Variants in COL6A6 observed in about 807,000 individuals in gnomAD.
The protein encoded by COL6A6 is collagen type VI alpha 6 chain, also known as collagen alpha-6(VI) chain.
COL6A6 carries 183 observed loss-of-function variants against 208.6 expected under a neutral mutation model. The ratio of observed to expected loss-of-function variants is 0.88; its 90% CI spans 0.78 to 0.99. The LOEUF (loss-of-function observed/expected upper bound fraction) is 0.99, where lower values mean the gene tolerates loss of function less well. Among genes scored for constraint, COL6A6 ranks in the 50% least tolerant of loss-of-function variants. COL6A6 has a pLI of 0.00. For synonymous variants in COL6A6, 973 were observed against 1,011.8 expected (o/e 0.96, Z 0.73); for missense variants, 2,816 against 2,815.2 (o/e 1.00, Z -0.01).
intron 1 of COL6A6, among the ~76,000 whole-genome samples, chr3:130,542,941 C>G (rs1419625906): frequency 7.2e-6 from 1 of 139,456 alleles, no homozygotes; most frequent in Non-Finnish European, 1.5e-5. Flanking sequence ...GAGTCTTGCT[C>G]TGTCACCAGG....
intron 33 of COL6A6, among the ~76,000 whole-genome samples, chr3:130,657,142 G>A (rs1459467461): frequency 1.3e-5 from 2 of 152,254 alleles, no homozygotes; most frequent in Non-Finnish European, 2.9e-5. Context: ...CTGCATTCAA[G>A]GAGCAGGAGG....
In COL6A6 at chr3:130,589,171, C is replaced by A. The variant is rs749195599; in HGVS notation, c.4207C>A (p.Pro1403Thr). The A allele has an allele frequency of 1.2e-5, 20 of 1,612,614 alleles. No individual in the cohort carries two copies. In the East Asian group the frequency reaches 4.0e-4, roughly 32 times the overall value. Residue 1403 changes from proline (P) to threonine (T), a missense_variant, in exon 12 of 37, where the codon CCA becomes ACA. By Grantham distance (38) the Pro-to-Thr change is conservative (BLOSUM62 -1). Transcript: ENST00000358511. ...GDGTMGDPGP[P>T]GKRGPPGFKG... ...TGGCACAATGGGAGATCCTGGACCA[C>A]CAGGGAAAAGGGTGATTTTAGCTCA...
chr3:130,665,086 C>T lies in COL6A6; in HGVS notation c.6586C>T (p.Pro2196Ser), dbSNP rs1172515735. ...NSIDPKQPPR[P>S]FRSFVPGPLK... ...TATAGATCCAAAGCAGCCCCCACGA[C>T]CATTCCGAAGGTACTGTCTGTTTGG... Residue 2196 changes from proline (P) to serine (S), a missense_variant, in exon 36 of 37, where the codon CCA becomes TCA. Physicochemically the swap from Pro to Ser is moderately conservative, Grantham distance 74 (BLOSUM62 -1). Transcript: ENST00000358511. 1 of 1,608,084 alleles carries T rather than the reference C, an allele frequency of 6.2e-7. No homozygotes were observed. The highest frequency in any genetic ancestry group is 1.3e-5 in the African/African-American group (1 of 74,764).
At chr3:130,624,587 G>T (rs924858783) in intron 24 of COL6A6, among the ~76,000 whole-genome samples, 4 of 152,164 alleles carry the variant, frequency 2.6e-5, no homozygotes, top group African/African-American at 7.2e-5. Flanking sequence ...GGGAAGTGGT[G>T]TCACTGGTAA....
chr3:130,547,981 T>G (rs4256098), intron 1 of COL6A6, among the ~76,000 whole-genome samples: 3,560 of 152,114 alleles, frequency 0.023, 132 homozygotes, highest in East Asian at 0.071. Flanking sequence ...TATTTTGAGA[T>G]GGGGTTTCAC....
intron 24 of COL6A6, 38 bp from the exon 25 acceptor site, chr3:130,626,447 C>T (rs754122253): frequency 1.4e-6 from 2 of 1,474,706 alleles, no homozygotes; most frequent in East Asian, 4.5e-5. Context: ...GCCATCATTT[C>T]CAATTTCCAA....
In COL6A6 at chr3:130,628,995, C is replaced by A. The variant is rs888040053; in HGVS notation, c.4992+1626C>A. ...AACTCTAAAACACAGAGCGCCTCTC[C>A]TCCTCCAAAGGAACGCAGTTCCTCA... On this transcript the variant is annotated intron_variant, in intron 26 of 36. Coordinates refer to ENST00000358511, the MANE Select transcript of COL6A6 (RefSeq NM_001102608.3). Among the ~76,000 whole-genome samples the A allele has an allele frequency of 4.2e-5, 3 of 71,502 alleles. No homozygotes were observed. In the East Asian group the frequency reaches 1.1e-3, roughly 26 times the overall value. 46.9% of individuals were successfully genotyped at this position (71,502 alleles called of 152,430 possible). A position where few individuals can be genotyped will look rare whatever the true frequency, so the allele number is the denominator to read the frequency against.
At chr3:130,554,092 C>G (rs1559981601) in intron 1 of COL6A6, among the ~76,000 whole-genome samples, 1 of 152,186 alleles carries the variant, frequency 6.6e-6, no homozygotes, top group Non-Finnish European at 1.5e-5. Flanking sequence ...CAATGTGTCC[C>G]TGGACTGCTG....
At chr3:130,642,919 C>T in intron 30 of COL6A6, 52 bp downstream of exon 30, 1 of 1,613,122 alleles carries the variant, frequency 6.2e-7, no homozygotes, top group Non-Finnish European at 8.5e-7. Flanking sequence ...ATTCAATTTA[C>T]TTATTTTTAA....
chr3:130,590,935 C>A, intron 12 of COL6A6, 106 bp from the exon 13 acceptor site: 1 of 814,410 alleles, frequency 1.2e-6, no homozygotes, highest in Non-Finnish European at 2.0e-6. Context: ...TTTTTTCAAA[C>A]ACTTACTATT....
At chr3:130,650,733 G>A (rs138895008) in intron 33 of COL6A6, among the ~76,000 whole-genome samples, 8 of 149,812 alleles carry the variant, frequency 5.3e-5, no homozygotes, top group African/African-American at 2.0e-4. Context: ...TTAGCCAGCT[G>A]AATTCCAAAT....
chr3:130,657,510 T>C (rs1054666101), intron 33 of COL6A6, among the ~76,000 whole-genome samples: 1 of 152,230 alleles, frequency 6.6e-6, no homozygotes, highest in African/African-American at 2.4e-5. Context: ...GTCTAATCAG[T>C]TGGCCACTTG....
chr3:130,593,570 A>G (rs1472707497), intron 17 of COL6A6, among the ~76,000 whole-genome samples: 2 of 152,180 alleles, frequency 1.3e-5, no homozygotes, highest in African/African-American at 4.8e-5. Context: ...AAGCAAGTGG[A>G]AACATACTAG....
chr3:130,635,844 C>A, intron 28 of COL6A6, 83 bp downstream of exon 28: 1 of 1,038,406 alleles, frequency 9.6e-7, no homozygotes, highest in Non-Finnish European at 1.5e-6. Context: ...TTTGAGTTGT[C>A]TTTTGTTACC....
intron 32 of COL6A6, 53 bp from the exon 33 acceptor site, chr3:130,649,016 C>CT (rs72391450): frequency 0.15 from 163,348 of 1,085,856 alleles, 1,986 homozygotes; most frequent in East Asian, 0.2. Flanking sequence ...TTCTATGTAT[C>CT]TTTTTTTTTT....
chr3:130,611,559 T>G (rs984943523), intron 23 of COL6A6, among the ~76,000 whole-genome samples: 1 of 152,178 alleles, frequency 6.6e-6, no homozygotes, highest in Non-Finnish European at 1.5e-5. Context: ...TGGCACATAG[T>G]AGAGCTCAAC....
rs1185909265 is a variant in COL6A6, at chr3:130,565,254, A to G, written c.922A>G (p.Thr308Ala). 3.7e-6 allele frequency: 6 copies of G among 1,614,052 alleles called. No individual in the cohort carries two copies. The highest frequency in any genetic ancestry group is 5.1e-6 in the Non-Finnish European group (6 of 1,179,898). Residue 308 changes from threonine to alanine, a missense_variant, in exon 4 of 37, where the codon ACT becomes GCT. Coordinates refer to ENST00000358511, the MANE Select transcript of COL6A6 (RefSeq NM_001102608.3). ...NLSPRTGKAY[T>A]GAAIKKLRKE... ...TTCTCCCCGAACTGGGAAGGCCTAT[A>G]CTGGAGCTGCCATCAAAAAGCTCAG... is the stretch of plus-strand genomic sequence containing the variant.
chr3:130,566,394 G>A (rs1398919675), intron 4 of COL6A6, among the ~76,000 whole-genome samples: 1 of 152,106 alleles, frequency 6.6e-6, no homozygotes, highest in Non-Finnish European at 1.5e-5. Flanking sequence ...TTTTTGCTAA[G>A]CAGTTATTTA....
intron 31 of COL6A6, among the ~76,000 whole-genome samples, chr3:130,644,545 A>C (rs2065411602): frequency 6.6e-6 from 1 of 152,250 alleles, no homozygotes; most frequent in Non-Finnish European, 1.5e-5. Context: ...TATAATATAC[A>C]TATAGTATAC....
Sources: allele counts gnomAD v4.1 joint callset (sites outside exome capture counted in the v4.1 genomes callset), GRCh38; gene constraint gnomAD v4.1.1; transcripts MANE v1.5; gene names NCBI Gene and HGNC (gene_info 2026-07-23, HGNC 2026-07-21).